Variants in SOX30 observed in about 807,000 individuals in gnomAD.
SOX30 encodes SRY-box transcription factor 30.
Under a neutral mutation model 58.6 loss-of-function variants are expected in SOX30, and 17 were observed. The ratio of observed to expected loss-of-function variants is 0.29; its 90% CI spans 0.20 to 0.44. The LOEUF (loss-of-function observed/expected upper bound fraction) is 0.44. Among genes scored for constraint, SOX30 ranks in the 20% least tolerant of loss-of-function variants. The probability of loss-of-function intolerance (pLI) is 1.00; values close to 1 mark genes in which losing one functional copy is unlikely to be tolerated. For synonymous variants in SOX30, 421 were observed against 400.2 expected, an observed-to-expected ratio of 1.05 and a Z score of -0.62; for missense variants, 951 against 965.8, an observed-to-expected ratio of 0.98 and a Z score of 0.20.
chr5:157,630,080 A>G (rs1758753302), intron 4 of SOX30, among the ~76,000 whole-genome samples: 3 of 152,236 alleles, frequency 2.0e-5, no homozygotes, highest in South Asian at 4.1e-4. Flanking sequence ...ATTTCAATGT[A>G]TGATTGGTAA....
chr5:157,651,456 C>A lies in SOX30; in HGVS notation c.623G>T (p.Arg208Leu). 3.1e-6 allele frequency: 5 copies of A among 1,613,380 alleles called. No individual in the cohort carries two copies. Residue 208 changes from arginine to leucine, a missense_variant, in exon 1 of 5, where the codon CGA becomes CTA. Coordinates refer to ENST00000265007, the MANE Select transcript of SOX30 (RefSeq NM_178424.2). ...GGAGKSPAAI[R>L]EGVIKTEEPE... ...TTCCTCCGTTTTGATCACACCTTCT[C>A]GGATGGCTGCCGGGCTTTTGCCTGC...
intron 2 of SOX30, among the ~76,000 whole-genome samples, chr5:157,663,536 C>A (rs1423171333): frequency 6.6e-6 from 1 of 150,718 alleles, no homozygotes; most frequent in Non-Finnish European, 1.5e-5. Flanking sequence ...CCTTTGAAAA[C>A]TGGCACAAGA....
intron 3 of SOX30, among the ~76,000 whole-genome samples, chr5:157,643,242 A>G (rs944916128): frequency 3.9e-5 from 6 of 152,190 alleles, no homozygotes; most frequent in South Asian, 4.1e-4. Context: ...CCTGGCTATC[A>G]TGGTGAAACC....
upstream of SOX30, among the ~76,000 whole-genome samples, chr5:157,655,970 G>C (rs1380905811): frequency 1.3e-5 from 2 of 152,182 alleles, no homozygotes; most frequent in African/African-American, 4.8e-5. Flanking sequence ...CAGCAAACTG[G>C]TCAGTTAAAA....
Position 157,652,045 on chromosome 5 carries a change from G to A in SOX30, c.34C>T (p.Pro12Ser), listed in dbSNP as rs1232977408. The change falls in exon 1 of 5, where the codon CCG becomes TCG. Residue 12 changes from proline (P) to serine (S), a missense_variant. Coordinates refer to ENST00000265007, the MANE Select transcript of SOX30 (RefSeq NM_178424.2). ...GGCGGAGCGGGACGCAACGGGCGCG[G>A]CTGAGGCGGCGGCTCGGGTCTGGCT... ...ERARPEPPPQPRPLRPAPPPL... is the reference protein window; with the variant it reads ...ERARPEPPPQSRPLRPAPPPL... The A allele has an allele frequency of 1.4e-6, 2 of 1,423,414 alleles. No homozygotes were observed. Among genetic ancestry groups the A allele is most frequent in the Non-Finnish European group, 9.1e-7 (1 of 1,097,312 alleles). The allele number at this position is 1,423,414 out of a possible 1,614,324, so 88.2% of individuals were successfully genotyped here.
chr5:157,629,928 T>C (rs186286772), intron 4 of SOX30, among the ~76,000 whole-genome samples: 1 of 152,312 alleles, frequency 6.6e-6, no homozygotes, highest in Admixed American at 6.5e-5. Flanking sequence ...CACATAAGAA[T>C]CTGGTAAACT....
Position 157,650,152 on chromosome 5 carries a change from A to G in SOX30, c.967+960T>C, listed in dbSNP as rs1444615691. 2.0e-5 allele frequency among the ~76,000 whole-genome samples: 3 copies of G among 151,994 alleles called. No individual in the cohort carries two copies. The East Asian group carries it at 5.8e-4, about 29-fold the overall frequency. On this transcript the variant is annotated intron_variant, in intron 1 of 4. Transcript: ENST00000265007. ...AAATAACTGTCCATAAATTTATTAT[A>G]TTATTTTAGGATTACTTCATATATT...
At chr5:157,663,247 A>G (rs1581408826) in intron 2 of SOX30, among the ~76,000 whole-genome samples, 1 of 152,324 alleles carries the variant, frequency 6.6e-6, no homozygotes, top group South Asian at 2.1e-4. Flanking sequence ...CAAAAAGCTT[A>G]TCCACCACGA....
rs1490549872 is a variant in SOX30 at position 157,651,508 on chromosome 5, C to A, written c.571G>T (p.Val191Phe). 3.1e-6 allele frequency: 5 copies of A among 1,613,424 alleles called. No individual in the cohort carries two copies. The highest frequency in any genetic ancestry group is 4.2e-6 in the Non-Finnish European group (5 of 1,180,024). ...DEKGKLEAEE[V>F]MRDSMQGGAG... is the part of the protein sequence containing the mutation. ...CCGCCTTGCATCGAGTCTCTCATGA[C>A]CTCCTCCGCCTCCAGCTTGCCCTTC... The change falls in exon 1 of 5, where the codon GTC (valine) becomes TTC (phenylalanine). Residue 191 changes from valine to phenylalanine, a missense_variant. Transcript: ENST00000265007.
At chr5:157,656,083 C>T (rs1014303106), upstream of SOX30, among the ~76,000 whole-genome samples, 15 of 152,202 alleles carry the variant, frequency 9.9e-5, no homozygotes, top group African/African-American at 3.6e-4. Flanking sequence ...CTTTCTCTTT[C>T]ACAGTGGTGG....
rs1759206078 is a variant in SOX30 at position 157,646,913 on chromosome 5, A to C, written c.1208-97T>G. The C allele has an allele frequency of 3.4e-6, 3 of 873,198 alleles. No homozygotes were observed. The African/African-American group carries it at 5.2e-5, about 15-fold the overall frequency. The allele number at this position is 873,198 out of a possible 1,614,324, so 54.1% of individuals were successfully genotyped here. A position where few individuals can be genotyped will look rare whatever the true frequency, so the allele number is the denominator to read the frequency against. On this transcript the variant is annotated intron_variant, in intron 2 of 4. Coordinates refer to ENST00000265007, the MANE Select transcript of SOX30 (RefSeq NM_178424.2). ...TGCAAAGCACTTTAAAGTGTTTTAA[A>C]AACAAATTATTGTCTAAAGTATCTT...
chr5:157,626,449 G>T lies in SOX30; in HGVS notation c.2153C>A (p.Thr718Asn). 1.2e-6 allele frequency: 2 copies of T among 1,614,126 alleles called. No homozygotes were observed. Residue 718 changes from threonine (T) to asparagine (N), a missense_variant, in exon 5 of 5, where the codon ACC becomes AAC. Thr to Asn is a moderately conservative substitution (Grantham distance 65, BLOSUM62 0). Around this residue, in one of 7 missense-constraint regions of SOX30, gnomAD observed 381 missense variants for 390.0 expected, o/e 0.98. Coordinates refer to ENST00000265007, the MANE Select transcript of SOX30 (RefSeq NM_178424.2). ...LNPVPQLDIG[T>N]LENVFTAPTS... is the part of the protein sequence containing the mutation. ...CGGGGCTGTGAAGACATTCTCCAAG[G>T]TTCCAATGTCCAGCTGAGGCACAGG...
intron 3 of SOX30, among the ~76,000 whole-genome samples, chr5:157,640,091 G>T (rs935977831): frequency 6.6e-6 from 1 of 152,170 alleles, no homozygotes; most frequent in Non-Finnish European, 1.5e-5. Context: ...ATCAAGCATA[G>T]GTTAATTTCC....
intron 2 of SOX30, among the ~76,000 whole-genome samples, chr5:157,664,070 ACTTT>A (rs1299874682): frequency 7.7e-6 from 1 of 129,170 alleles, no homozygotes; most frequent in African/African-American, 3.5e-5. Flanking sequence ...GCTACCAATG[ACTTT>A]CTTCACAGAA....
intron 4 of SOX30, among the ~76,000 whole-genome samples, chr5:157,636,578 T>C (rs1417058003): frequency 6.6e-6 from 1 of 152,194 alleles, no homozygotes; most frequent in Admixed American, 6.5e-5. Context: ...GACAAAAATC[T>C]TCCTTTCTCC....
rs544441470 is a variant in SOX30, at chr5:157,628,276, G to A, written c.1881-1555C>T. Among the ~76,000 whole-genome samples, 21 of 152,032 alleles carry A rather than the reference G, an allele frequency of 1.4e-4. No individual in the cohort carries two copies. The South Asian group carries it at 4.4e-3, about 32-fold the overall frequency. On this transcript the variant is annotated intron_variant, in intron 4 of 4. Coordinates refer to ENST00000265007, the MANE Select transcript of SOX30 (RefSeq NM_178424.2). ...AGCAGGAATTATAGGAAGAGGTAGA[G>A]TCCAACCATCTAGTGACAGATAACA...
chr5:157,664,406 A>G (rs1759631024), intron 2 of SOX30, among the ~76,000 whole-genome samples: 1 of 152,224 alleles, frequency 6.6e-6, no homozygotes, highest in Non-Finnish European at 1.5e-5. Flanking sequence ...GAAAGCTGAA[A>G]CTGGATCCCT....
chr5:157,667,838 A>G, exon 2 of SOX30: 2 of 1,535,592 alleles, frequency 1.3e-6, no homozygotes, highest in Non-Finnish European at 1.7e-6. Flanking sequence ...TCCCTCTACA[A>G]CATTTCTCCA....
intron 2 of SOX30, among the ~76,000 whole-genome samples, chr5:157,659,203 C>T (rs910514920): frequency 2.0e-5 from 3 of 152,250 alleles, no homozygotes; most frequent in African/African-American, 7.2e-5. Flanking sequence ...TTTCACTTTA[C>T]TCTGTGGACT....
Sources: allele counts gnomAD v4.1 joint callset (sites outside exome capture counted in the v4.1 genomes callset), GRCh38; gene constraint gnomAD v4.1.1; regional missense constraint gnomAD v4.1.1; transcripts MANE v1.5; gene names NCBI Gene and HGNC (gene_info 2026-07-23, HGNC 2026-07-21).